MAP3K2: variants seen among roughly 807,000 people sequenced by gnomAD.
The protein encoded by MAP3K2 is MAP/ERK kinase kinase 2.
Under a neutral mutation model 80.3 loss-of-function variants are expected in MAP3K2, and 24 were observed. The observed-to-expected ratio is 0.30, with a 90% CI of 0.22 to 0.42. The LOEUF is 0.42. MAP3K2 is among the 10% of genes least tolerant of loss of function. MAP3K2 has a pLI of 1.00. For missense variants in MAP3K2, 608 were observed against 750.1 expected (o/e 0.81, Z 2.21); for synonymous variants, 244 against 253.7 (o/e 0.96, Z 0.36).
intron 1 of MAP3K2, among the ~76,000 whole-genome samples, chr2:127,384,734 T>A (rs1687314745): frequency 6.6e-6 from 1 of 151,780 alleles, no homozygotes; most frequent in Admixed American, 6.6e-5. Flanking sequence ...CACAGCTCAC[T>A]GCAGCCCTGA....
At chr2:127,347,494 CA>C (rs1004765480) in intron 1 of MAP3K2, among the ~76,000 whole-genome samples, 5 of 151,192 alleles carry the variant, frequency 3.3e-5, no homozygotes, top group Non-Finnish European at 7.4e-5. Context: ...ACAATACCAC[CA>C]AAAAAAATAA....
intron 9 of MAP3K2, among the ~76,000 whole-genome samples, 161 bp downstream of exon 9, chr2:127,325,565 TTG>T (rs1686116956): frequency 6.6e-6 from 1 of 152,038 alleles, no homozygotes; most frequent in South Asian, 2.1e-4. Flanking sequence ...GCAAATGCCT[TTG>T]GTCCTAGTTC....
At position 127,338,947 on chromosome 2, in the gene MAP3K2, T is replaced by A. The variant is rs761506415; in HGVS notation, c.108A>T (p.Ser36=). 2 of 1,607,018 alleles carry A rather than the reference T, an allele frequency of 1.2e-6. No homozygotes were observed. The highest frequency in any genetic ancestry group is 1.7e-6 in the Non-Finnish European group (2 of 1,176,448). The part of the protein sequence containing the change: ...SLQETRKAKS[S]SPKKQNDVRV... ...AAATAAATACCTGTTTTTTTGGTGA[T>A]GAAGATTTTGCTTTTCTGGTTTCCT... The change falls in exon 3 of 17, where the codon TCA becomes TCT. Residue 36 remains serine, a synonymous_variant. Coordinates refer to ENST00000682094, the MANE Select transcript of MAP3K2 (RefSeq NM_001371910.2).
At chr2:127,338,758 C>T (rs1201749027) in intron 3 of MAP3K2, among the ~76,000 whole-genome samples, 174 bp downstream of exon 3, 3 of 152,146 alleles carry the variant, frequency 2.0e-5, no homozygotes, top group African/African-American at 7.2e-5. Context: ...GTTGATTCCA[C>T]GTCTTTGCTA....
Position 127,321,017 on chromosome 2 carries a change from G to A in MAP3K2, c.1045+1029C>T, listed in dbSNP as rs528463914. 6.6e-6 allele frequency among the ~76,000 whole-genome samples: 1 copy of A among 152,322 alleles called. No homozygotes were observed. The highest frequency in any genetic ancestry group is 1.9e-4 in the East Asian group (1 of 5,190). On this transcript the variant is annotated intron_variant, in intron 12 of 16. Coordinates refer to ENST00000682094, the MANE Select transcript of MAP3K2 (RefSeq NM_001371910.2). The surrounding 1 kb of genome is among the most constrained non-coding windows in gnomAD (Gnocchi z 4.4). ...TGCCTGTAGTGCCAGATACTTGGGA[G>A]TTTGAAGTGGGAGGATTGCTTGAGC...
At chr2:127,353,893 T>C (rs1164234715) in intron 1 of MAP3K2, among the ~76,000 whole-genome samples, 2 of 151,806 alleles carry the variant, frequency 1.3e-5, no homozygotes. Flanking sequence ...TTTTGTTCTG[T>C]ACTAAGAAAA....
Position 127,322,327 on chromosome 2 carries a change from T to C in MAP3K2, c.839-75A>G. 2.1e-6 allele frequency: 2 copies of C among 970,992 alleles called. No individual in the cohort carries two copies. Among genetic ancestry groups the C allele is most frequent in the Non-Finnish European group, 1.5e-6 (1 of 661,010 alleles). 60.1% of individuals were successfully genotyped at this position (970,992 alleles called of 1,614,324 possible). On this transcript the variant is annotated intron_variant, in intron 11 of 16. Coordinates refer to ENST00000682094, the MANE Select transcript of MAP3K2 (RefSeq NM_001371910.2). This position sits in a 1 kb window ranked among gnomAD's most constrained non-coding sequence, Gnocchi z 4.2. ...CTTTTAAAGTATTTAAAATTTGTAA[T>C]GTAGAGAATAGAAATTTGTCCTGTG...
intron 7 of MAP3K2, among the ~76,000 whole-genome samples, chr2:127,328,582 A>G (rs1193061652): frequency 2.6e-5 from 4 of 152,226 alleles, no homozygotes; most frequent in Admixed American, 6.5e-5. Flanking sequence ...TTTTAAAACT[A>G]TATCGAAATA....
rs1573972370 is a variant in MAP3K2 at position 127,302,351 on chromosome 2, T to C, written c.*5228A>G. On this transcript the variant is annotated 3_prime_UTR_variant, in exon 17 of 17. Coordinates refer to ENST00000682094, the MANE Select transcript of MAP3K2 (RefSeq NM_001371910.2). ...CTGTATGTCATCAGTAGGTCATACA[T>C]TTGAGTTGTTCTTCCAAAACCAGAA... is the stretch of plus-strand genomic sequence containing the variant. The C allele has an allele frequency of 6.6e-6, 1 of 152,052 alleles. No homozygotes were observed. Among genetic ancestry groups the C allele is most frequent in the Admixed American group, 6.6e-5 (1 of 15,246 alleles). The allele number at this position is 152,052 out of a possible 1,614,324, so 9.4% of individuals were successfully genotyped here.
chr2:127,319,308 T>C lies in MAP3K2; in HGVS notation c.1046-991A>G, dbSNP rs143139639. ...GGAAACCTTCTGTGACCCTGATCAT[T>C]AGAGCACTCCTACTCCCGGAAGGTG... On this transcript the variant is annotated intron_variant, in intron 12 of 16. Coordinates refer to ENST00000682094, the MANE Select transcript of MAP3K2 (RefSeq NM_001371910.2). Among the ~76,000 whole-genome samples the C allele has an allele frequency of 2.9e-3, 435 of 150,610 alleles. 2 individuals carry two copies. Among genetic ancestry groups the C allele is most frequent in the African/African-American group, 0.01 (417 of 41,006 alleles).
At chr2:127,324,328 G>C in intron 9 of MAP3K2, 87 bp from the exon 10 acceptor site, 1 of 738,802 alleles carries the variant, frequency 1.4e-6, no homozygotes, top group Non-Finnish European at 2.2e-6. Context: ...ATATCTATCT[G>C]TGCCTCTCTG....
At chr2:127,352,726 CCA>C (rs1686713853) in intron 1 of MAP3K2, among the ~76,000 whole-genome samples, 1 of 147,470 alleles carries the variant, frequency 6.8e-6, no homozygotes, top group African/African-American at 2.5e-5. Flanking sequence ...CCCTCTCTTT[CCA>C]CGGTCTCCCT....
chr2:127,357,484 T>C (rs116581907), intron 1 of MAP3K2, among the ~76,000 whole-genome samples: 40 of 152,064 alleles, frequency 2.6e-4, no homozygotes, highest in African/African-American at 9.4e-4. Context: ...GGAGACCCTG[T>C]TGAATACAGA....
At chr2:127,382,023 G>A (rs113009529) in intron 1 of MAP3K2, among the ~76,000 whole-genome samples, 18 of 152,268 alleles carry the variant, frequency 1.2e-4, no homozygotes, top group African/African-American at 4.3e-4. Flanking sequence ...AAGGGTGTAA[G>A]AGGTGAGACT....
intron 1 of MAP3K2, among the ~76,000 whole-genome samples, chr2:127,376,335 G>A (rs141082876): frequency 3.7e-4 from 56 of 152,144 alleles, no homozygotes; most frequent in South Asian, 3.3e-3. Context: ...GGGGGGGAGC[G>A]CAACCATGTG....
chr2:127,360,490 T>C (rs775405990), intron 1 of MAP3K2, among the ~76,000 whole-genome samples: 2 of 152,200 alleles, frequency 1.3e-5, no homozygotes, highest in Non-Finnish European at 2.9e-5. Flanking sequence ...CACTATCTTA[T>C]TTATAACTAC....
In MAP3K2 at chr2:127,366,866, G is replaced by GTTTTTTTT. The variant is rs367670762; in HGVS notation, c.-66+20578_-66+20585dup. Reference sequence around the variant, plus strand: ...TTACTAAGCTGTCCCACAGTCAAGGGTTTTTTTTTTTTTTTTTTTTTTTGA... The same window carrying GTTTTTTTT: ...TTACTAAGCTGTCCCACAGTCAAGGGTTTTTTTTTTTTTTTTTTTTTTTTTTTTTTTGA... On this transcript the variant is annotated intron_variant, in intron 1 of 16. Transcript: ENST00000682094. Among the ~76,000 whole-genome samples, 13 of 85,086 alleles carry GTTTTTTTT rather than the reference G, an allele frequency of 1.5e-4. 1 individual carries two copies. Among genetic ancestry groups the GTTTTTTTT allele is most frequent in the Non-Finnish European group, 2.1e-4 (10 of 46,710 alleles). The allele number at this position is 85,086 out of a possible 152,430, so 55.8% of individuals were successfully genotyped here.
intron 1 of MAP3K2, among the ~76,000 whole-genome samples, chr2:127,378,946 T>C (rs914027115): frequency 4.0e-5 from 6 of 151,520 alleles, no homozygotes; most frequent in Admixed American, 2.0e-4. Flanking sequence ...GCGTGTGTGC[T>C]ATCACGTCTG....
chr2:127,314,785 G>A lies in MAP3K2; in HGVS notation c.1425C>T (p.His475=), dbSNP rs763588959. 6.8e-6 allele frequency: 11 copies of A among 1,609,824 alleles called. No individual in the cohort carries two copies. The highest frequency in any genetic ancestry group is 8.5e-7 in the Non-Finnish European group (1 of 1,176,388). The change falls in exon 15 of 17, where the codon CAC becomes CAT. Residue 475 remains histidine, a synonymous_variant. Coordinates refer to ENST00000682094, the MANE Select transcript of MAP3K2 (RefSeq NM_001371910.2). ...RQILEGVHYL[H]SNMIVHRDIK... is the part of the protein sequence containing the mutation. ...TATCTCTATGGACAATCATATTACT[G>A]TGCAAATAATGGACACCCTCCAGAA...
Sources: gnomAD v4.1 joint callset for allele counts (sites outside exome capture counted in the v4.1 genomes callset) on GRCh38, gnomAD v4.1.1 for gene constraint, Gnocchi (gnomAD v3.1) non-coding constraint, MANE v1.5 for transcripts, NCBI Gene and HGNC (gene_info 2026-07-23, HGNC 2026-07-21) for gene names.